Variants in ACOXL observed in about 807,000 individuals in gnomAD.
ACOXL encodes acyl-coenzyme A oxidase-like protein.
A neutral mutation model predicts 71.9 loss-of-function variants in ACOXL; 70 were observed. The ratio of observed to expected loss-of-function variants is 0.97; its 90% CI spans 0.80 to 1.19. ACOXL has a LOEUF of 1.19. Among genes scored for constraint, ACOXL ranks in the 50% most tolerant of loss-of-function variants. ACOXL has a pLI of 0.00. For missense variants in ACOXL, 703 were observed against 736.3 expected (o/e 0.95, Z 0.52); for synonymous variants, 253 against 281.6 (o/e 0.90, Z 1.02).
At chr2:110,769,696 G>A (rs1048803749) in intron 2 of ACOXL, among the ~76,000 whole-genome samples, 1 of 150,932 alleles carries the variant, frequency 6.6e-6, no homozygotes, top group African/African-American at 2.5e-5. Flanking sequence ...TTAGCCAGGT[G>A]TGGTGGTGCA....
chr2:111,010,320 TA>T (rs1558864163), intron 14 of ACOXL, among the ~76,000 whole-genome samples: 2 of 151,952 alleles, frequency 1.3e-5, no homozygotes, highest in Admixed American at 1.3e-4. Context: ...ATAGTATTAA[TA>T]AAAAAATAAA....
chr2:111,006,086 C>T (rs1185530334), intron 14 of ACOXL, among the ~76,000 whole-genome samples: 1 of 152,096 alleles, frequency 6.6e-6, no homozygotes, highest in Admixed American at 6.5e-5. Flanking sequence ...AATTAGTAAC[C>T]AGATTTTCTG....
chr2:111,041,293 G>A (rs1236376590), intron 15 of ACOXL, among the ~76,000 whole-genome samples: 1 of 152,188 alleles, frequency 6.6e-6, no homozygotes, highest in African/African-American at 2.4e-5. Context: ...TCGCTGCAAG[G>A]TGGAAAACAG....
intron 10 of ACOXL, among the ~76,000 whole-genome samples, chr2:110,854,984 C>A (rs567701896): frequency 6.6e-6 from 1 of 152,328 alleles, no homozygotes; most frequent in Middle Eastern, 3.4e-3. Flanking sequence ...AATTGACCTA[C>A]CCCATGGGAC....
intron 12 of ACOXL, among the ~76,000 whole-genome samples, chr2:110,977,381 C>T (rs1211307641): frequency 7.5e-6 from 1 of 133,834 alleles, no homozygotes; most frequent in African/African-American, 2.6e-5. Context: ...GAGACTCCGT[C>T]TCAAAAAAAA....
intron 9 of ACOXL, among the ~76,000 whole-genome samples, chr2:110,816,133 A>G (rs552475468): frequency 4.5e-4 from 69 of 152,152 alleles, no homozygotes; most frequent in African/African-American, 1.6e-3. Context: ...GGATGAATGG[A>G]TGGATAGACA....
chr2:111,109,401 T>C (rs997281893), intron 17 of ACOXL, among the ~76,000 whole-genome samples: 3 of 152,274 alleles, frequency 2.0e-5, no homozygotes, highest in Non-Finnish European at 4.4e-5. Flanking sequence ...GGCATGTATG[T>C]TGGATTGCCA....
At chr2:110,788,119 A>G (rs1381074966) in intron 3 of ACOXL, among the ~76,000 whole-genome samples, 1 of 152,242 alleles carries the variant, frequency 6.6e-6, no homozygotes, top group Non-Finnish European at 1.5e-5. Flanking sequence ...CATACAGCCC[A>G]GCATTCCACT....
chr2:110,909,944 C>G (rs559528158), intron 11 of ACOXL, among the ~76,000 whole-genome samples: 4 of 152,028 alleles, frequency 2.6e-5, no homozygotes, highest in Non-Finnish European at 5.9e-5. Context: ...AAAGCACTTG[C>G]TTCCACCGTC....
chr2:110,768,374 T>C lies in ACOXL; in HGVS notation c.-16T>C. The C allele has an allele frequency of 1.2e-6, 2 of 1,613,910 alleles. No homozygotes were observed. The highest frequency in any genetic ancestry group is 1.7e-6 in the Non-Finnish European group (2 of 1,179,856). ...TTGTATCTGTTCTTCACAGGTATGA[T>C]TTAAGCTTGGATGAAATGAGAGCTT... On this transcript the variant is annotated 5_prime_UTR_variant, in exon 2 of 18. Coordinates refer to ENST00000439055, the MANE Select transcript of ACOXL (RefSeq NM_001142807.4).
At position 111,070,342 on chromosome 2, in the gene ACOXL, G is replaced by A. The variant is rs143269267; in HGVS notation, c.1440+21054G>A. Among the ~76,000 whole-genome samples, 11 of 152,238 alleles carry A rather than the reference G, an allele frequency of 7.2e-5. No individual in the cohort carries two copies. In the East Asian group the frequency reaches 1.5e-3, roughly 21 times the overall value. On this transcript the variant is annotated intron_variant, in intron 16 of 17. Coordinates refer to ENST00000439055, the MANE Select transcript of ACOXL (RefSeq NM_001142807.4). The stretch of plus-strand genomic sequence containing the variant: ...TACAGCCACAAAAAAGAATGAGCTC[G>A]TGTCTTTTACGGGAACATGGATGGA...
At chr2:111,113,054 T>C (rs1402714564) in intron 17 of ACOXL, 1 of 152,126 alleles carries the variant, frequency 6.6e-6, no homozygotes, top group African/African-American at 2.4e-5. Flanking sequence ...AGAATACAGA[T>C]TCTGACTTAG....
intron 1 of ACOXL, among the ~76,000 whole-genome samples, chr2:110,738,342 C>T (rs1258707913): frequency 1.3e-5 from 2 of 152,130 alleles, no homozygotes; most frequent in Non-Finnish European, 2.9e-5. Flanking sequence ...TCTTACATAG[C>T]CATAGATAAC....
chr2:110,832,118 T>A (rs62162654), intron 9 of ACOXL, among the ~76,000 whole-genome samples: 1 of 152,106 alleles, frequency 6.6e-6, no homozygotes, highest in South Asian at 2.1e-4. Context: ...CAGTGAGTTA[T>A]GATCATGCCA....
chr2:110,787,909 A>G (rs1370135544), intron 3 of ACOXL, among the ~76,000 whole-genome samples: 1 of 152,338 alleles, frequency 6.6e-6, no homozygotes, highest in East Asian at 1.9e-4. Context: ...GTTTTCTGCC[A>G]TAACGTGTAC....
At chr2:111,026,461 G>T (rs1295595880) in intron 14 of ACOXL, among the ~76,000 whole-genome samples, 1 of 150,488 alleles carries the variant, frequency 6.6e-6, no homozygotes, top group Non-Finnish European at 1.5e-5. Flanking sequence ...TTCGTTCTGT[G>T]AAGTTTTTTT....
At chr2:111,025,838 C>CT (rs1215436935) in intron 14 of ACOXL, among the ~76,000 whole-genome samples, 1 of 152,150 alleles carries the variant, frequency 6.6e-6, no homozygotes, top group African/African-American at 2.4e-5. Flanking sequence ...ACCAAGGTCA[C>CT]TAAGATTTTC....
intron 14 of ACOXL, among the ~76,000 whole-genome samples, chr2:111,015,675 A>G (rs540596031): frequency 6.6e-6 from 1 of 152,366 alleles, no homozygotes; most frequent in East Asian, 1.9e-4. Context: ...AGGAATGCTC[A>G]TAACAGCTTT....
intron 1 of ACOXL, 59 bp from the exon 2 acceptor site, chr2:110,768,309 C>A: frequency 1.4e-6 from 2 of 1,435,344 alleles, no homozygotes; most frequent in African/African-American, 1.4e-5. Flanking sequence ...TCAAAGCATC[C>A]ACAGCCTCCC....
Sources: allele counts gnomAD v4.1 joint callset (sites outside exome capture counted in the v4.1 genomes callset), GRCh38; gene constraint gnomAD v4.1.1; transcripts MANE v1.5; gene names NCBI Gene and HGNC (gene_info 2026-07-23, HGNC 2026-07-21).